The following DNM2 variants were observed in gnomAD, a reference collection of about 807,000 sequenced individuals.
DNM2 encodes the protein dynamin-2.
A neutral mutation model predicts 99.0 loss-of-function variants in DNM2; 15 were observed. The ratio of observed to expected loss-of-function variants is 0.15; its 90% CI spans 0.10 to 0.23. The LOEUF is 0.23. DNM2 is among the 10% of genes least tolerant of loss of function. The probability of loss-of-function intolerance (pLI) is 1.00; values close to 1 mark genes in which losing one functional copy is unlikely to be tolerated. For synonymous variants in DNM2, 525 were observed against 481.2 expected, an observed-to-expected ratio of 1.09 and a Z score of -1.19; for missense variants, 742 against 1,189.4, an observed-to-expected ratio of 0.62 and a Z score of 5.53.
At chr19:10,800,807 A>G (rs1568308186) in intron 11 of DNM2, among the ~76,000 whole-genome samples, 1 of 152,250 alleles carries the variant, frequency 6.6e-6, no homozygotes, top group Non-Finnish European at 1.5e-5. Context: ...TGGGCAAAAG[A>G]CAAGAAGGAT....
At chr19:10,760,763 A>T (rs999901705) in intron 2 of DNM2, among the ~76,000 whole-genome samples, 1 of 143,684 alleles carries the variant, frequency 7.0e-6, no homozygotes, top group Non-Finnish European at 1.5e-5. Flanking sequence ...GGCCCAAGCA[A>T]TCCTCTCCAA....
chr19:10,733,125 C>T (rs2069391350), intron 1 of DNM2, among the ~76,000 whole-genome samples: 1 of 151,456 alleles, frequency 6.6e-6, no homozygotes, highest in Admixed American at 6.6e-5. Context: ...CTCAGGTGAT[C>T]CACCCTCCTC....
Position 10,778,652 on chromosome 19 carries a change from T to TA in DNM2, c.688+1449dup, listed in dbSNP as rs994606124. ...GCACAACAGAGCAAGATCTTGCCTCTAAAAAAAAAAAAATTCTATAAATCC... is the reference window on the plus strand; with the variant it reads ...GCACAACAGAGCAAGATCTTGCCTCTAAAAAAAAAAAAAATTCTATAAATCC... On this transcript the variant is annotated intron_variant, in intron 5 of 20. Coordinates refer to ENST00000389253, the MANE Select transcript of DNM2 (RefSeq NM_001005361.3). Among the ~76,000 whole-genome samples the TA allele has an allele frequency of 9.8e-3, 1,414 of 144,530 alleles. 23 individuals carry two copies. Among genetic ancestry groups the TA allele is most frequent in the African/African-American group, 0.031 (1,244 of 39,656 alleles). 94.8% of individuals were successfully genotyped at this position (144,530 alleles called of 152,430 possible).
intron 11 of DNM2, among the ~76,000 whole-genome samples, chr19:10,799,886 A>G (rs576486446): frequency 1.3e-5 from 2 of 151,604 alleles, no homozygotes; most frequent in African/African-American, 4.8e-5. Flanking sequence ...ATGCAAGCAC[A>G]CACCCCAAGT....
At position 10,796,034 on chromosome 19, in the gene DNM2, C is replaced by T. The variant is rs2071919700; in HGVS notation, c.1196+595C>T. On this transcript the variant is annotated intron_variant, in intron 9 of 20. Transcript: ENST00000389253. This position sits in a 1 kb window ranked among gnomAD's most constrained non-coding sequence, Gnocchi z 5.6. Reference sequence around the variant, plus strand: ...CTTTGTTTCTCTCTGACTTATCTCCCCTGCCCCCGGGTCTGGACGGTTTCA... The same window carrying T: ...CTTTGTTTCTCTCTGACTTATCTCCTCTGCCCCCGGGTCTGGACGGTTTCA... 1 of 1,612,744 alleles carries T rather than the reference C, an allele frequency of 6.2e-7. No homozygotes were observed. The highest frequency in any genetic ancestry group is 8.5e-7 in the Non-Finnish European group (1 of 1,180,016).
intron 13 of DNM2, among the ~76,000 whole-genome samples, chr19:10,807,239 ATTT>A (rs942002285): frequency 6.6e-6 from 1 of 150,942 alleles, no homozygotes; most frequent in Non-Finnish European, 1.5e-5. Flanking sequence ...CACCAGGCTA[ATTT>A]TTTTTTATTT....
chr19:10,810,812 G>A (rs576199035), intron 14 of DNM2: 1 of 152,672 alleles, frequency 6.5e-6, no homozygotes, highest in Non-Finnish European at 1.5e-5. Flanking sequence ...CCCAGCTCTG[G>A]GCTGAGACAA....
At chr19:10,774,528 G>A (rs78729529) in intron 3 of DNM2, among the ~76,000 whole-genome samples, 5,332 of 152,204 alleles carry the variant, frequency 0.035, 422 homozygotes, top group East Asian at 0.35. Context: ...CCGGGTTCAA[G>A]TGATTCTCCT....
intron 11 of DNM2, 54 bp from the exon 12 acceptor site, chr19:10,802,234 C>A: frequency 6.3e-7 from 1 of 1,581,704 alleles, no homozygotes; most frequent in South Asian, 1.1e-5. Flanking sequence ...CTTGCCGCTG[C>A]CCCCCCTTGC....
intron 1 of DNM2, among the ~76,000 whole-genome samples, chr19:10,743,313 C>T (rs1488637216): frequency 6.6e-6 from 1 of 152,018 alleles, no homozygotes; most frequent in East Asian, 1.9e-4. Context: ...AGATCCCTGT[C>T]CTGTGGAGCT....
intron 2 of DNM2, among the ~76,000 whole-genome samples, chr19:10,762,615 TACCCAGTACCTG>T (rs1459942289): frequency 1.3e-5 from 2 of 152,200 alleles, no homozygotes; most frequent in Non-Finnish European, 2.9e-5. Flanking sequence ...AGCGCAGGCC[TACCCAGTACCTG>T]ACCCGGATGA....
At chr19:10,778,488 C>T (rs1207978148) in intron 5 of DNM2, among the ~76,000 whole-genome samples, 1 of 152,042 alleles carries the variant, frequency 6.6e-6, no homozygotes, top group Admixed American at 6.6e-5. Context: ...CCTGTCTCTA[C>T]TAAAGATTAA....
chr19:10,787,670 A>G (rs1427975623), intron 7 of DNM2, among the ~76,000 whole-genome samples: 3 of 149,592 alleles, frequency 2.0e-5, no homozygotes, highest in African/African-American at 7.4e-5. Flanking sequence ...CAGGAGAATG[A>G]CATGAACCCA....
rs1306891811 is a variant in DNM2 at position 10,830,924 on chromosome 19, C to G, written c.2544-54C>G. On this transcript the variant is annotated intron_variant, in intron 20 of 20. Transcript: ENST00000389253. This position sits in a 1 kb window ranked among gnomAD's most constrained non-coding sequence, Gnocchi z 4.8. ...GTCCTCAACCCAGGCCTGCCTCTTG[C>G]TCCCGGCCTCACTGCCGTCTCCCCC... 1.7e-5 allele frequency: 27 copies of G among 1,569,426 alleles called. No individual in the cohort carries two copies. The highest frequency in any genetic ancestry group is 2.3e-5 in the Non-Finnish European group (26 of 1,155,040).
intron 1 of DNM2, among the ~76,000 whole-genome samples, chr19:10,722,111 C>T (rs2068959969): frequency 6.6e-6 from 1 of 152,168 alleles, no homozygotes; most frequent in Non-Finnish European, 1.5e-5. Context: ...GTCTTATACG[C>T]ATGGTGGCTG....
chr19:10,803,206 G>A (rs1312142450), intron 12 of DNM2, among the ~76,000 whole-genome samples: 1 of 152,186 alleles, frequency 6.6e-6, no homozygotes, highest in Non-Finnish European at 1.5e-5. Flanking sequence ...TTGCCTTGAG[G>A]GGTCAGGCAG....
At chr19:10,800,541 C>T (rs2072099163) in intron 11 of DNM2, among the ~76,000 whole-genome samples, 1 of 152,244 alleles carries the variant, frequency 6.6e-6, no homozygotes, top group Non-Finnish European at 1.5e-5. Context: ...GAGACTCAGG[C>T]CTTACTAAAC....
rs562856305 is a variant in DNM2 at position 10,829,371 on chromosome 19, G to A, written c.2291+103G>A. 7.7e-6 allele frequency: 11 copies of A among 1,429,564 alleles called. No individual in the cohort carries two copies. In the Admixed American group the frequency reaches 2.1e-4, roughly 27 times the overall value. 88.6% of individuals were successfully genotyped at this position (1,429,564 alleles called of 1,614,324 possible). On this transcript the variant is annotated intron_variant, in intron 19 of 20. Transcript: ENST00000389253. Reference sequence around the variant, plus strand: ...TGGCAGGAAACAGGACACAGCCCAAGGGTGGCACCCAGGGCTGGGCACTGT... The same window carrying A: ...TGGCAGGAAACAGGACACAGCCCAAAGGTGGCACCCAGGGCTGGGCACTGT...
At chr19:10,757,176 G>T (rs10407127) in intron 1 of DNM2, among the ~76,000 whole-genome samples, 94,964 of 151,856 alleles carry the variant, frequency 0.63, 29,891 homozygotes, top group African/African-American at 0.67. Context: ...GCCCCTGGGG[G>T]GTCTTCGTAG....
Sources: gnomAD v4.1 joint callset for allele counts (sites outside exome capture counted in the v4.1 genomes callset) on GRCh38, gnomAD v4.1.1 for gene constraint, Gnocchi (gnomAD v3.1) non-coding constraint, MANE v1.5 for transcripts, NCBI Gene and HGNC (gene_info 2026-07-23, HGNC 2026-07-21) for gene names.